CMTR1: variants seen among roughly 807,000 people sequenced by gnomAD.
The protein encoded by CMTR1 is cap-specific mRNA (nucleoside-2'-O-)-methyltransferase 1.
A neutral mutation model predicts 107.0 loss-of-function variants in CMTR1; 39 were observed. The ratio of observed to expected loss-of-function variants is 0.36; its 90% CI spans 0.28 to 0.48. The LOEUF (loss-of-function observed/expected upper bound fraction) is 0.48, where lower values mean the gene tolerates loss of function less well. CMTR1 is among the 20% of genes least tolerant of loss of function. The pLI is 0.99. For missense variants in CMTR1, 672 were observed against 1,064.9 expected, an observed-to-expected ratio of 0.63 and a Z score of 5.14; for synonymous variants, 366 against 379.5, an observed-to-expected ratio of 0.96 and a Z score of 0.41.
the CMTR1 span, among the ~76,000 whole-genome samples, chr6:37,425,411 C>T: frequency 6.6e-6 from 1 of 151,754 alleles, no homozygotes; most frequent in Non-Finnish European, 1.5e-5. Flanking sequence ...ATTCTCGTGC[C>T]TCAGCCTCCT....
chr6:37,440,465 CA>C (rs1211678971), intron 2 of CMTR1, among the ~76,000 whole-genome samples: 1 of 152,084 alleles, frequency 6.6e-6, no homozygotes, highest in East Asian at 1.9e-4. Flanking sequence ...TAAAGCATGT[CA>C]AGCTAAGAAG....
At chr6:37,448,931 G>A (rs1771868815) in intron 4 of CMTR1, among the ~76,000 whole-genome samples, 1 of 152,118 alleles carries the variant, frequency 6.6e-6, no homozygotes, top group Admixed American at 6.6e-5. Flanking sequence ...TCAGGCATCA[G>A]TACTATTTTT....
chr6:37,475,617 T>C (rs1046887785), intron 19 of CMTR1: 8 of 595,422 alleles, frequency 1.3e-5, no homozygotes, highest in Admixed American at 2.9e-5. Flanking sequence ...GCTTGGGCCC[T>C]GGTTATCAGA....
intron 8 of CMTR1, among the ~76,000 whole-genome samples, chr6:37,457,121 G>A (rs1761310717): frequency 6.6e-6 from 1 of 151,016 alleles, no homozygotes; most frequent in Admixed American, 6.6e-5. Context: ...TCAGGAGGTT[G>A]AAGAAAGAGG....
intron 2 of CMTR1, among the ~76,000 whole-genome samples, chr6:37,440,333 C>CT (rs1346446249): frequency 6.6e-6 from 1 of 152,164 alleles, no homozygotes; most frequent in Non-Finnish European, 1.5e-5. Flanking sequence ...TTAGTTCCTG[C>CT]TGCAGCCGTG....
At chr6:37,469,561 T>C (rs1381265082) in intron 13 of CMTR1, among the ~76,000 whole-genome samples, 1 of 127,768 alleles carries the variant, frequency 7.8e-6, no homozygotes, top group African/African-American at 2.9e-5. Flanking sequence ...GGAGTCTCGC[T>C]CTGTTGCCCA....
intron 5 of CMTR1, among the ~76,000 whole-genome samples, chr6:37,451,575 T>G (rs1761173454): frequency 1.3e-5 from 2 of 152,142 alleles, no homozygotes; most frequent in Admixed American, 1.3e-4. Context: ...CATATGGTGC[T>G]CTACTCAGAG....
rs888117850 is a variant in CMTR1, at chr6:37,468,418, T to A, written c.1506-2603T>A. On this transcript the variant is annotated intron_variant, in intron 13 of 23. Transcript: ENST00000373451. ...CATGCACATATATATCTAATTTTTT[T>A]AAAAAGGTCCTTGGTATTTACTGAC... 1.3e-4 allele frequency among the ~76,000 whole-genome samples: 20 copies of A among 152,344 alleles called. No individual in the cohort carries two copies. In the East Asian group the frequency reaches 3.7e-3, roughly 28 times the overall value.
At chr6:37,430,001 A>G (rs1581720536), upstream of CMTR1, among the ~76,000 whole-genome samples, 1 of 152,230 alleles carries the variant, frequency 6.6e-6, no homozygotes, top group Non-Finnish European at 1.5e-5. Context: ...TTTACATATT[A>G]TTAGATTATG....
At chr6:37,454,439 A>G (rs1761248687) in intron 8 of CMTR1, among the ~76,000 whole-genome samples, 1 of 152,212 alleles carries the variant, frequency 6.6e-6, no homozygotes, top group South Asian at 2.1e-4. Flanking sequence ...GCATCTTGAG[A>G]AAATTAGGTT....
At chr6:37,429,721 C>T (rs1434513933), upstream of CMTR1, among the ~76,000 whole-genome samples, 1 of 152,140 alleles carries the variant, frequency 6.6e-6, no homozygotes, top group African/African-American at 2.4e-5. Context: ...AGGTGGATCA[C>T]GAAGTCAGGA....
chr6:37,425,010 G>A, the CMTR1 span, among the ~76,000 whole-genome samples: 5 of 143,624 alleles, frequency 3.5e-5, no homozygotes, highest in Admixed American at 7.2e-5. Context: ...GTGCAGTGGC[G>A]CAATCTCAGC....
chr6:37,435,042 T>A (rs1380102008), intron 1 of CMTR1, among the ~76,000 whole-genome samples: 1 of 152,238 alleles, frequency 6.6e-6, no homozygotes, highest in African/African-American at 2.4e-5. Flanking sequence ...TCTTAAGTCA[T>A]TTCACTGCTT....
intron 18 of CMTR1, 30 bp from the exon 19 acceptor site, chr6:37,475,291 A>G (rs756297909): frequency 1.9e-6 from 3 of 1,570,432 alleles, no homozygotes; most frequent in South Asian, 2.2e-5. Context: ...CACCTGGCAG[A>G]GTGGGCAGTG....
In CMTR1 at chr6:37,433,924, T is replaced by C. The variant is rs974373430; in HGVS notation, c.-7+547T>C. Among the ~76,000 whole-genome samples, 3 of 152,142 alleles carry C rather than the reference T, an allele frequency of 2.0e-5. No homozygotes were observed. In the East Asian group the frequency reaches 5.8e-4, roughly 29 times the overall value. Reference sequence around the variant, plus strand: ...TGGAAGGCCCAAATCTAAGGTGATGTGGTTTGGGGAGGAGCATCCGCCTCT... The same window carrying C: ...TGGAAGGCCCAAATCTAAGGTGATGCGGTTTGGGGAGGAGCATCCGCCTCT... On this transcript the variant is annotated intron_variant, in intron 1 of 23. Coordinates refer to ENST00000373451, the MANE Select transcript of CMTR1 (RefSeq NM_015050.3).
upstream of CMTR1, among the ~76,000 whole-genome samples, chr6:37,428,286 G>A (rs1469746830): frequency 6.6e-6 from 1 of 152,216 alleles, no homozygotes; most frequent in Non-Finnish European, 1.5e-5. Context: ...CAGTTAGGCA[G>A]ATGGTCCTTG....
Position 37,444,221 on chromosome 6 carries a change from A to G in CMTR1, c.285+71A>G, listed in dbSNP as rs1483459409. 3.2e-6 allele frequency: 5 copies of G among 1,555,212 alleles called. No homozygotes were observed. In the Admixed American group the frequency reaches 6.1e-5, roughly 19 times the overall value. On this transcript the variant is annotated intron_variant, in intron 3 of 23. Transcript: ENST00000373451. ...TGAAAGAAGGGCAATTTGTATTTGT[A>G]TGAAAAGAAGAAAAGTTTGGCCATA... is the stretch of plus-strand genomic sequence containing the variant.
At chr6:37,443,947 AG>A in intron 2 of CMTR1, 51 bp from the exon 3 acceptor site, 2 of 1,588,170 alleles carry the variant, frequency 1.3e-6, no homozygotes, top group Non-Finnish European at 1.7e-6. Flanking sequence ...GGATGTCTGG[AG>A]GCTATTTTGT....
intron 17 of CMTR1, among the ~76,000 whole-genome samples, chr6:37,474,183 CCTT>C (rs745959503): frequency 2.5e-4 from 38 of 152,218 alleles, no homozygotes; most frequent in Non-Finnish European, 4.1e-4. Context: ...CTTACTCTCT[CCTT>C]CTCTGCTCTC....
Sources: allele counts gnomAD v4.1 joint callset (sites outside exome capture counted in the v4.1 genomes callset), GRCh38; gene constraint gnomAD v4.1.1; transcripts MANE v1.5; gene names NCBI Gene and HGNC (gene_info 2026-07-23, HGNC 2026-07-21).